HECW1: variants seen among roughly 807,000 people sequenced by gnomAD.
The protein encoded by HECW1 is HECT, C2 and WW domain containing E3 ubiquitin protein ligase 1.
Under a neutral mutation model 182.3 loss-of-function variants are expected in HECW1, and 61 were observed. The observed-to-expected ratio is 0.33, with a 90% CI of 0.27 to 0.41. The LOEUF (loss-of-function observed/expected upper bound fraction) is 0.41, where lower values mean the gene tolerates loss of function less well. Ranked by LOEUF, HECW1 falls within the 10% of genes least tolerant of loss-of-function variation. The pLI is 1.00. For missense variants in HECW1, 1,739 were observed against 2,108.9 expected (o/e 0.82, Z 3.44); for synonymous variants, 859 against 832.6 (o/e 1.03, Z -0.55).
At chr7:43,308,233 A>C (rs1303088931) in intron 3 of HECW1, among the ~76,000 whole-genome samples, 11 of 65,536 alleles carry the variant, frequency 1.7e-4, no homozygotes, top group African/African-American at 3.6e-4. Flanking sequence ...ATTTTTATAT[A>C]ATAATATATA....
At chr7:43,462,239 A>T (rs2077610783) in intron 13 of HECW1, among the ~76,000 whole-genome samples, 1 of 151,594 alleles carries the variant, frequency 6.6e-6, no homozygotes, top group South Asian at 2.1e-4. Flanking sequence ...TTTCCTGGAG[A>T]CAAAAAGTCT....
chr7:43,348,319 C>A lies in HECW1; in HGVS notation c.461-12567C>A, dbSNP rs180946213. On this transcript the variant is annotated intron_variant, in intron 5 of 29. Transcript: ENST00000395891. ...TGTGCATAAAGGTGTTCATACTAGC[C>A]TTGAATAGTCTTTTGTATTTCTGTG... Among the ~76,000 whole-genome samples, 9 of 152,198 alleles carry A rather than the reference C, an allele frequency of 5.9e-5. 1 individual carries two copies. Among genetic ancestry groups the A allele is most frequent in the Admixed American group, 4.6e-4 (7 of 15,300 alleles).
At chr7:43,249,150 G>A (rs1256821237) in intron 3 of HECW1, 1 of 152,300 alleles carries the variant, frequency 6.6e-6, no homozygotes, top group African/African-American at 2.4e-5. Context: ...CAGAACTCGG[G>A]TCATCTGCGG....
intron 5 of HECW1, among the ~76,000 whole-genome samples, chr7:43,348,490 AT>A (rs371969375): frequency 3.1e-4 from 46 of 148,032 alleles, no homozygotes; most frequent in East Asian, 2.8e-3. Flanking sequence ...ATCTTTTGTA[AT>A]TTTTTTTTTG....
intron 2 of HECW1, chr7:43,239,941 G>A (rs1798713971): frequency 1.3e-5 from 2 of 152,296 alleles, no homozygotes; most frequent in Middle Eastern, 3.4e-3. Context: ...TTTCTTCTAG[G>A]GTGGGGTTCT....
At chr7:43,342,665 G>A (rs1049469726) in intron 5 of HECW1, among the ~76,000 whole-genome samples, 1 of 151,498 alleles carries the variant, frequency 6.6e-6, no homozygotes, top group Non-Finnish European at 1.5e-5. Context: ...GGGGTTTGAG[G>A]ATATAGTCTC....
chr7:43,502,762 T>C (rs1343126818), intron 21 of HECW1, among the ~76,000 whole-genome samples: 1 of 152,218 alleles, frequency 6.6e-6, no homozygotes, highest in Non-Finnish European at 1.5e-5. Flanking sequence ...ATTGGAGAAT[T>C]TTTCCATTCG....
intron 8 of HECW1, among the ~76,000 whole-genome samples, chr7:43,435,720 T>C (rs1460495232): frequency 6.6e-6 from 1 of 152,182 alleles, no homozygotes; most frequent in Non-Finnish European, 1.5e-5. Flanking sequence ...ACAGTGAGAA[T>C]GTGAGCAAGA....
chr7:43,366,243 A>G (rs1816642835), intron 6 of HECW1, among the ~76,000 whole-genome samples: 1 of 152,176 alleles, frequency 6.6e-6, no homozygotes, highest in Non-Finnish European at 1.5e-5. Context: ...TCAATAGGAC[A>G]TTTCCACACC....
intron 5 of HECW1, among the ~76,000 whole-genome samples, chr7:43,327,754 A>G (rs1810977379): frequency 6.6e-6 from 1 of 152,198 alleles, no homozygotes; most frequent in East Asian, 1.9e-4. Context: ...AAAGGGTTGG[A>G]AATATTCATA....
At position 43,298,807 on chromosome 7, in the gene HECW1, C is replaced by G. The variant is rs1663103931; in HGVS notation, c.28-12956C>G. 2.0e-5 allele frequency among the ~76,000 whole-genome samples: 3 copies of G among 152,316 alleles called. 1 individual carries two copies. The highest frequency in any genetic ancestry group is 6.8e-3 in the Middle Eastern group (2 of 294). ...AGCTGGTCTCCGTTGCCACCACTTA[C>G]CACGAGGTGCAGGCTCTGTCTGCCG... On this transcript the variant is annotated intron_variant, in intron 3 of 29. Transcript: ENST00000395891.
At chr7:43,519,171 G>A (rs1254014271) in intron 24 of HECW1, among the ~76,000 whole-genome samples, 1 of 152,036 alleles carries the variant, frequency 6.6e-6, no homozygotes, top group Admixed American at 6.6e-5. Context: ...TACCCATAGA[G>A]GTTTAAACTT....
At chr7:43,532,759 T>C (rs1428007509) in intron 24 of HECW1, among the ~76,000 whole-genome samples, 1 of 152,178 alleles carries the variant, frequency 6.6e-6, no homozygotes, top group Non-Finnish European at 1.5e-5. Flanking sequence ...TCCCCCATCA[T>C]CACTTCCCCA....
intron 16 of HECW1, among the ~76,000 whole-genome samples, chr7:43,475,443 A>G (rs1006805702): frequency 2.6e-5 from 4 of 152,242 alleles, no homozygotes; most frequent in African/African-American, 9.6e-5. Flanking sequence ...TGTGAACAAT[A>G]CTTAATAAAA....
chr7:43,211,971 AAGG>A (rs112052569), intron 2 of HECW1, among the ~76,000 whole-genome samples: 7 of 152,360 alleles, frequency 4.6e-5, no homozygotes, highest in African/African-American at 1.7e-4. Flanking sequence ...TCTACTATGC[AAGG>A]AGTTCTTAAG....
At chr7:43,341,777 C>G (rs887253861) in intron 5 of HECW1, among the ~76,000 whole-genome samples, 2 of 151,590 alleles carry the variant, frequency 1.3e-5, no homozygotes, top group African/African-American at 4.9e-5. Flanking sequence ...AAGTACAAAT[C>G]CAAGTTAGAT....
At chr7:43,277,333 C>T (rs180701586) in intron 3 of HECW1, among the ~76,000 whole-genome samples, 175 of 152,100 alleles carry the variant, frequency 1.2e-3, no homozygotes, top group Non-Finnish European at 2.3e-3. Flanking sequence ...GTGAACGGCC[C>T]GCATGTCCAA....
chr7:43,428,575 G>A (rs2076432421), intron 8 of HECW1, among the ~76,000 whole-genome samples: 1 of 152,206 alleles, frequency 6.6e-6, no homozygotes, highest in Non-Finnish European at 1.5e-5. Flanking sequence ...TCTAGAGTGA[G>A]GAAGAAAATT....
chr7:43,346,266 A>G (rs893907413), intron 5 of HECW1, among the ~76,000 whole-genome samples: 1 of 151,834 alleles, frequency 6.6e-6, no homozygotes, highest in Non-Finnish European at 1.5e-5. Context: ...GTATTTTTTC[A>G]TATGTTTGTT....
Sources: allele counts gnomAD v4.1 joint callset (sites outside exome capture counted in the v4.1 genomes callset), GRCh38; gene constraint gnomAD v4.1.1; transcripts MANE v1.5; gene names NCBI Gene and HGNC (gene_info 2026-07-23, HGNC 2026-07-21).